The following NLGN4X variants were observed in gnomAD, a reference collection of about 807,000 sequenced individuals.
NLGN4X encodes neuroligin-4, X-linked.
NLGN4X carries 3 observed loss-of-function variants against 40.3 expected under a neutral mutation model. That is an observed-to-expected ratio of 0.07 (90% CI 0.03 to 0.19). The LOEUF is 0.19. Among genes scored for constraint, NLGN4X ranks in the 10% least tolerant of loss-of-function variants. The pLI is 1.00. For synonymous variants in NLGN4X, 270 were observed against 306.8 expected (o/e 0.88, Z 1.25); for missense variants, 382 against 708.3 (o/e 0.54, Z 5.23).
intron 3 of NLGN4X, among the ~76,000 whole-genome samples, chrX:5,971,317 C>A (rs985402407): frequency 1.8e-5 from 2 of 110,665 alleles, no homozygotes; most frequent in Non-Finnish European, 3.8e-5. Flanking sequence ...GCTTGGCAGA[C>A]TGGCTACTAA....
rs747468055 is a variant in NLGN4X, at chrX:5,969,857, G to C, written c.625+59423C>G. Among the ~76,000 whole-genome samples the C allele has an allele frequency of 1.2e-4, 13 of 110,416 alleles. No individual in the cohort carries two copies. In the South Asian group the frequency reaches 4.8e-3, roughly 40 times the overall value. ...TACTATGCAGCCATAAAAATGATGA[G>C]TTCGTGTCCTTTGTAGGGACATGGA... is the stretch of plus-strand genomic sequence containing the variant. On this transcript the variant is annotated intron_variant, in intron 3 of 5. Coordinates refer to ENST00000381095, the MANE Select transcript of NLGN4X (RefSeq NM_181332.3).
At chrX:5,929,661 T>C (rs1268270967) in intron 3 of NLGN4X, among the ~76,000 whole-genome samples, 1 of 112,340 alleles carries the variant, frequency 8.9e-6, no homozygotes, top group Non-Finnish European at 1.9e-5. Flanking sequence ...AACTAGAATA[T>C]TGTTGAATAA....
chrX:6,210,256 GTGTGTGTGTGTGTGTGTGTA>G (rs1924470290), intron 1 of NLGN4X, among the ~76,000 whole-genome samples: 1 of 100,315 alleles, frequency 1.0e-5, no homozygotes, highest in African/African-American at 4.0e-5. Context: ...GTGTGTGTGT[GTGTGTGTGTGTGTGTGTGTA>G]TGTATGTAAT....
chrX:6,128,869 C>CTA (rs1202482715), intron 2 of NLGN4X, among the ~76,000 whole-genome samples: 4 of 111,720 alleles, frequency 3.6e-5, no homozygotes, highest in Admixed American at 1.9e-4. Flanking sequence ...CAATGAACAA[C>CTA]TATATATATA....
chrX:6,140,712 G>C (rs1482228871), intron 2 of NLGN4X, among the ~76,000 whole-genome samples: 1 of 106,442 alleles, frequency 9.4e-6, no homozygotes, highest in African/African-American at 3.5e-5. Context: ...CAAGTAGCTG[G>C]GACTACAGGC....
chrX:5,966,342 CACTT>C (rs1192777149), intron 3 of NLGN4X, among the ~76,000 whole-genome samples: 3 of 112,204 alleles, frequency 2.7e-5, no homozygotes, highest in Non-Finnish European at 3.8e-5. Flanking sequence ...TATTAATAAA[CACTT>C]AGTAAATTCA....
At chrX:6,159,041 A>G (rs1355056091) in intron 1 of NLGN4X, among the ~76,000 whole-genome samples, 1 of 112,793 alleles carries the variant, frequency 8.9e-6, no homozygotes, top group African/African-American at 3.2e-5. Flanking sequence ...GCTTTACAAA[A>G]CAGTCAAAAA....
chrX:5,894,560 A>C (rs1289602327), intron 5 of NLGN4X, among the ~76,000 whole-genome samples: 1 of 111,779 alleles, frequency 8.9e-6, no homozygotes, highest in Non-Finnish European at 1.9e-5. Flanking sequence ...ACAGATGCTA[A>C]GTTGTGCTTG....
intron 2 of NLGN4X, among the ~76,000 whole-genome samples, chrX:6,092,282 C>G (rs2038660311): frequency 8.9e-6 from 1 of 112,086 alleles, no homozygotes; most frequent in Admixed American, 9.5e-5. Context: ...GAAAACTGGA[C>G]CTAAGGGAAG....
In NLGN4X at chrX:6,009,771, T is replaced by C. The variant is rs910523727; in HGVS notation, c.625+19509A>G. 2.7e-5 allele frequency among the ~76,000 whole-genome samples: 3 copies of C among 112,483 alleles called. No homozygotes were observed. The East Asian group carries it at 8.4e-4, about 31-fold the overall frequency. ...AGCTTTCATTTCTTCATTTTTCAAA[T>C]GTGGTTGGTTGTCCAGGCCCGTGGG... On this transcript the variant is annotated intron_variant, in intron 3 of 5. Coordinates refer to ENST00000381095, the MANE Select transcript of NLGN4X (RefSeq NM_181332.3).
At chrX:6,033,343 A>C (rs1186998426) in intron 2 of NLGN4X, among the ~76,000 whole-genome samples, 1 of 112,137 alleles carries the variant, frequency 8.9e-6, no homozygotes, top group African/African-American at 3.2e-5. Context: ...AATTGTGACT[A>C]ATTTAAATCA....
intron 3 of NLGN4X, among the ~76,000 whole-genome samples, chrX:5,940,245 T>G (rs953708608): frequency 9.0e-5 from 10 of 111,217 alleles, no homozygotes; most frequent in African/African-American, 3.3e-4. Context: ...TGCCTATAAC[T>G]TTATTTTAAA....
intron 1 of NLGN4X, among the ~76,000 whole-genome samples, chrX:6,207,377 A>C (rs780167311): frequency 8.9e-5 from 10 of 112,088 alleles, no homozygotes; most frequent in African/African-American, 3.2e-4. Flanking sequence ...AATTGGCTGG[A>C]GCCTGATTTA....
chrX:5,921,428 A>AGAGAGAGAGAGAGAGG (rs2033053662), intron 3 of NLGN4X, among the ~76,000 whole-genome samples: 1 of 105,865 alleles, frequency 9.4e-6, no homozygotes, highest in African/African-American at 3.5e-5. Context: ...AGAGAGAGAG[A>AGAGAGAGAGAGAGAGG]GAGAGAGGAG....
chrX:6,064,361 C>T (rs776113855), intron 2 of NLGN4X, among the ~76,000 whole-genome samples: 3 of 111,793 alleles, frequency 2.7e-5, no homozygotes, highest in South Asian at 3.8e-4. Flanking sequence ...ATGACTTTAT[C>T]GCCTCAAAAA....
At chrX:6,021,599 C>T (rs2036559559) in intron 3 of NLGN4X, among the ~76,000 whole-genome samples, 1 of 103,163 alleles carries the variant, frequency 9.7e-6, no homozygotes, top group Admixed American at 1.1e-4. Context: ...GTTTGCCCCA[C>T]CAAAGACCTG....
chrX:5,994,292 G>A (rs967479437), intron 3 of NLGN4X, among the ~76,000 whole-genome samples: 4 of 111,698 alleles, frequency 3.6e-5, no homozygotes, highest in African/African-American at 1.3e-4. Flanking sequence ...AGCATTTGCT[G>A]CCTATTTGTG....
At chrX:5,937,896 C>T (rs2033785014) in intron 3 of NLGN4X, among the ~76,000 whole-genome samples, 1 of 111,969 alleles carries the variant, frequency 8.9e-6, no homozygotes, top group African/African-American at 3.2e-5. Context: ...ATCCTTTTTT[C>T]CCAAAAATAC....
intron 2 of NLGN4X, among the ~76,000 whole-genome samples, chrX:6,060,525 G>C (rs2037743011): frequency 9.0e-6 from 1 of 111,711 alleles, no homozygotes; most frequent in Admixed American, 9.6e-5. Flanking sequence ...ACCTCCAGTA[G>C]GTTAATCGAG....
Sources: allele counts gnomAD v4.1 joint callset (sites outside exome capture counted in the v4.1 genomes callset), GRCh38; gene constraint gnomAD v4.1.1; transcripts MANE v1.5; gene names NCBI Gene and HGNC (gene_info 2026-07-23, HGNC 2026-07-21).